Variants in TRAPPC9 observed in about 807,000 individuals in gnomAD.
The protein encoded by TRAPPC9 is IKK2 binding protein.
TRAPPC9 carries 83 observed loss-of-function variants against 124.0 expected under a neutral mutation model. That is an observed-to-expected ratio of 0.67 (90% CI 0.56 to 0.80). The LOEUF (loss-of-function observed/expected upper bound fraction) is 0.80. Among genes scored for constraint, TRAPPC9 ranks in the 30% least tolerant of loss-of-function variants. The pLI is 0.00. For synonymous variants in TRAPPC9, 638 were observed against 617.5 expected (o/e 1.03, Z -0.49); for missense variants, 1,302 against 1,508.3 (o/e 0.86, Z 2.27).
chr8:140,134,538 A>ACAGGTATGAGCCAC (rs142436139), intron 17 of TRAPPC9, among the ~76,000 whole-genome samples: 2 of 151,442 alleles, frequency 1.3e-5, no homozygotes, highest in East Asian at 3.9e-4. Flanking sequence ...TGCTGGGATT[A>ACAGGTATGAGCCAC]CATGGTTGGC....
intron 19 of TRAPPC9, among the ~76,000 whole-genome samples, chr8:139,976,949 C>T (rs1389367275): frequency 6.6e-6 from 1 of 152,144 alleles, no homozygotes; most frequent in Admixed American, 6.5e-5. Flanking sequence ...TGGAAGTTTC[C>T]AATCCTGCAG....
chr8:140,457,535 G>A, intron 1 of TRAPPC9, 104 bp downstream of exon 1: 4 of 916,708 alleles, frequency 4.4e-6, no homozygotes, highest in African/African-American at 1.8e-5. Context: ...GTGAGGGCCG[G>A]GCGAGCCCCT....
At chr8:140,318,946 G>A (rs916245616) in intron 9 of TRAPPC9, among the ~76,000 whole-genome samples, 1 of 152,114 alleles carries the variant, frequency 6.6e-6, no homozygotes, top group South Asian at 2.1e-4. Flanking sequence ...GGAATAAAAG[G>A]ACACAAGGCC....
Position 139,733,748 on chromosome 8 carries a change from G to A in TRAPPC9, c.3056-1546C>T, listed in dbSNP as rs367701900. On this transcript the variant is annotated intron_variant, in intron 21 of 22. Coordinates refer to ENST00000438773, the MANE Select transcript of TRAPPC9 (RefSeq NM_001160372.4). ...AACACAGTCACGGGCATCCTGGGCC[G>A]GGCCTGGTGCCAGCACCCTGCAGCG... Among the ~76,000 whole-genome samples the A allele has an allele frequency of 1.4e-4, 21 of 152,348 alleles. 1 individual carries two copies. Among genetic ancestry groups the A allele is most frequent in the South Asian group, 8.3e-4 (4 of 4,830 alleles).
At chr8:140,323,959 T>C (rs1378287652) in intron 9 of TRAPPC9, among the ~76,000 whole-genome samples, 5 of 152,154 alleles carry the variant, frequency 3.3e-5, no homozygotes, top group Admixed American at 3.3e-4. Flanking sequence ...AATCAGTTCT[T>C]TAGTGGTAAT....
chr8:140,182,749 C>G lies in TRAPPC9; in HGVS notation c.2556+38710G>C, dbSNP rs2062233661. Reference sequence around the variant, plus strand: ...GCAATCATGACCCTCTTGACCTGGCCTTGACCTATTACCCTCAGCTGAACA... The same window carrying G: ...GCAATCATGACCCTCTTGACCTGGCGTTGACCTATTACCCTCAGCTGAACA... On this transcript the variant is annotated intron_variant, in intron 17 of 22. Transcript: ENST00000438773. This position sits in a 1 kb window ranked among gnomAD's most constrained non-coding sequence, Gnocchi z 4.0. Among the ~76,000 whole-genome samples the G allele has an allele frequency of 6.6e-6, 1 of 152,120 alleles. No homozygotes were observed. The highest frequency in any genetic ancestry group is 1.5e-5 in the Non-Finnish European group (1 of 68,016).
At chr8:139,904,871 AC>A (rs2131244755) in intron 20 of TRAPPC9, 1 of 152,212 alleles carries the variant, frequency 6.6e-6, no homozygotes, top group South Asian at 2.1e-4. Context: ...CCAGCCTCTG[AC>A]CCCAGGCTCC....
chr8:139,731,331 A>G (rs1464141714), intron 22 of TRAPPC9, 103 bp from the exon 23 acceptor site: 2 of 1,406,068 alleles, frequency 1.4e-6, no homozygotes, highest in African/African-American at 2.8e-5. Flanking sequence ...GTTATGGGGG[A>G]AGCGAGGGCC....
intron 19 of TRAPPC9, among the ~76,000 whole-genome samples, chr8:139,929,284 C>A (rs1832983892): frequency 6.6e-6 from 1 of 152,306 alleles, no homozygotes; most frequent in Middle Eastern, 3.4e-3. Context: ...CAAAGCACAG[C>A]ACAGAGTGGA....
rs138034188 is a variant in TRAPPC9, at chr8:139,753,116, C to T, written c.3056-20914G>A. Among the ~76,000 whole-genome samples, 283 of 148,938 alleles carry T rather than the reference C, an allele frequency of 1.9e-3. 2 individuals carry two copies. The highest frequency in any genetic ancestry group is 6.7e-3 in the African/African-American group (268 of 40,210). The stretch of plus-strand genomic sequence containing the variant: ...TCCAACATCTACCCATCCATTCACC[C>T]ATCTACCATCCATCCATCATCCACC... On this transcript the variant is annotated intron_variant, in intron 21 of 22. Coordinates refer to ENST00000438773, the MANE Select transcript of TRAPPC9 (RefSeq NM_001160372.4).
chr8:139,915,768 G>C (rs2131307377), intron 19 of TRAPPC9, among the ~76,000 whole-genome samples: 1 of 152,344 alleles, frequency 6.6e-6, no homozygotes, highest in African/African-American at 2.4e-5. Flanking sequence ...CTAACCCAGA[G>C]AGCAATCTTT....
In TRAPPC9 at chr8:140,360,191, T is replaced by C; in HGVS notation, c.1354A>G (p.Thr452Ala). Reference protein sequence around the residue: ...SLDPKDFSRGTHRGWAAVQMR... With the variant: ...SLDPKDFSRGAHRGWAAVQMR... ...TGGACCGCAGCCCAGCCTCTGTGCG[T>C]GCCTGCGATGGAAGTTACAAAACAT... The change falls in exon 9 of 23, where the codon ACG (threonine) becomes GCG (alanine). Residue 452 changes from threonine (T) to alanine (A), a missense_variant and splice_region_variant. Physicochemically the swap from Thr to Ala is moderately conservative, Grantham distance 58 (BLOSUM62 0). Transcript: ENST00000438773. 6.2e-7 allele frequency: 1 copy of C among 1,614,178 alleles called. No homozygotes were observed. The highest frequency in any genetic ancestry group is 1.1e-5 in the South Asian group (1 of 91,084).
rs1234764693 is a variant in TRAPPC9, at chr8:139,788,452, G to A, written c.3056-56250C>T. ...GCTGGGGAGGGAGAGCGGGAGCTGC[G>A]GAGGATCCCAGCCTGGCCCTTCCTG... On this transcript the variant is annotated intron_variant, in intron 21 of 22. Transcript: ENST00000438773. The surrounding 1 kb of genome is among the most constrained non-coding windows in gnomAD (Gnocchi z 4.9). Among the ~76,000 whole-genome samples the A allele has an allele frequency of 1.3e-5, 2 of 152,344 alleles. No homozygotes were observed. Among genetic ancestry groups the A allele is most frequent in the African/African-American group, 2.4e-5 (1 of 41,584 alleles).
chr8:140,377,974 T>C (rs908125713), intron 7 of TRAPPC9, among the ~76,000 whole-genome samples: 1 of 152,008 alleles, frequency 6.6e-6, no homozygotes, highest in Non-Finnish European at 1.5e-5. Context: ...AAAAAATACT[T>C]TGGGATACTT....
At chr8:140,201,531 C>T (rs570961001) in intron 17 of TRAPPC9, among the ~76,000 whole-genome samples, 13 of 152,192 alleles carry the variant, frequency 8.5e-5, no homozygotes, top group Non-Finnish European at 1.8e-4. Flanking sequence ...ATAGAGTTCT[C>T]ATTTACTTAC....
intron 19 of TRAPPC9, among the ~76,000 whole-genome samples, chr8:139,959,842 T>C (rs1835257260): frequency 6.6e-6 from 1 of 152,154 alleles, no homozygotes; most frequent in South Asian, 2.1e-4. Flanking sequence ...GTGGAGAACT[T>C]CAAAGGGCCA....
rs899121877 is a variant in TRAPPC9 at position 140,456,770 on chromosome 8, G to C, written c.-11+869C>G. 8 of 984,882 alleles carry C rather than the reference G, an allele frequency of 8.1e-6. No homozygotes were observed. The African/African-American group carries it at 1.0e-4, about 13-fold the overall frequency. The allele number at this position is 984,882 out of a possible 1,614,324, so 61.0% of individuals were successfully genotyped here. On this transcript the variant is annotated intron_variant, in intron 1 of 22. Coordinates refer to ENST00000438773, the MANE Select transcript of TRAPPC9 (RefSeq NM_001160372.4). ...TCACCAGTTTAAACTGGGGCCGTGA[G>C]GGATGGAAGGGAAGTCACTCCCCCA...
intron 17 of TRAPPC9, among the ~76,000 whole-genome samples, chr8:140,108,652 G>C (rs2060710621): frequency 6.6e-6 from 1 of 152,208 alleles, no homozygotes; most frequent in South Asian, 2.1e-4. Flanking sequence ...CCCGACCTTA[G>C]AAGAGCATCT....
At chr8:140,322,378 C>G (rs1011205588) in intron 9 of TRAPPC9, among the ~76,000 whole-genome samples, 2 of 152,210 alleles carry the variant, frequency 1.3e-5, no homozygotes, top group African/African-American at 4.8e-5. Flanking sequence ...GCCCCACCCC[C>G]CTGGTGGCAA....
Sources: allele counts gnomAD v4.1 joint callset (sites outside exome capture counted in the v4.1 genomes callset), GRCh38; gene constraint gnomAD v4.1.1; non-coding constraint Gnocchi (gnomAD v3.1); transcripts MANE v1.5; gene names NCBI Gene and HGNC (gene_info 2026-07-23, HGNC 2026-07-21).